KBTBD12: variants seen among roughly 807,000 people sequenced by gnomAD.
The protein encoded by KBTBD12 is kelch repeat and BTB domain-containing protein 12.
Under a neutral mutation model 58.7 loss-of-function variants are expected in KBTBD12, and 53 were observed. The observed-to-expected ratio is 0.90, with a 90% CI of 0.72 to 1.14. The LOEUF (loss-of-function observed/expected upper bound fraction) is 1.14. KBTBD12 is among the 50% of genes most tolerant of loss of function. KBTBD12 has a pLI of 0.00. For missense variants in KBTBD12, 704 were observed against 751.3 expected, an observed-to-expected ratio of 0.94 and a Z score of 0.74; for synonymous variants, 236 against 259.8, an observed-to-expected ratio of 0.91 and a Z score of 0.88.
chr3:127,962,043 T>A (rs1052316822), intron 4 of KBTBD12, among the ~76,000 whole-genome samples: 1 of 152,236 alleles, frequency 6.6e-6, no homozygotes, highest in African/African-American at 2.4e-5. Flanking sequence ...GCACAGTGAC[T>A]CTTCCAGGAC....
chr3:127,951,390 A>G (rs1404568107), intron 4 of KBTBD12, among the ~76,000 whole-genome samples: 1 of 152,138 alleles, frequency 6.6e-6, no homozygotes, highest in Non-Finnish European at 1.5e-5. Flanking sequence ...GCTGTTCCTC[A>G]GAAGTGTGGA....
chr3:127,933,438 T>C (rs1388005300), intron 4 of KBTBD12, among the ~76,000 whole-genome samples: 1 of 152,180 alleles, frequency 6.6e-6, no homozygotes, highest in African/African-American at 2.4e-5. Context: ...TTAGTCCTGG[T>C]TGGTACAACA....
In KBTBD12 at chr3:127,984,172, A is replaced by G. The variant is rs1473437796; in HGVS notation, c.1766A>G (p.Asn589Ser). The part of the protein sequence containing the change: ...WENQWNVVAI[N>S]VLMHDSYDVC... ...AACCAGTGGAATGTTGTAGCCATCA[A>G]CGTCCTCATGCATGACAGCTATGAT... Residue 589 changes from asparagine to serine, a missense_variant, in exon 6 of 6, where the codon AAC becomes AGC. By Grantham distance (46) the Asn-to-Ser change is conservative. Coordinates refer to ENST00000405109, the MANE Select transcript of KBTBD12 (RefSeq NM_207335.4). 1.9e-6 allele frequency: 3 copies of G among 1,613,838 alleles called. No homozygotes were observed. Among genetic ancestry groups the G allele is most frequent in the Non-Finnish European group, 2.5e-6 (3 of 1,179,738 alleles).
chr3:127,923,648 A>G lies in KBTBD12; in HGVS notation c.587A>G (p.Asp196Gly). ...ATATCCAGAGAAGAGAGCATTCTGG[A>G]CTTAGTTCTGAGATGGGTAAATCAT... Reference protein sequence around the residue: ...LNISREESILDLVLRWVNHNK... With the variant: ...LNISREESILGLVLRWVNHNK... Residue 196 changes from aspartate to glycine, a missense_variant, in exon 2 of 6, where the codon GAC becomes GGC. Asp to Gly is a moderately conservative substitution (Grantham distance 94). Transcript: ENST00000405109. The G allele has an allele frequency of 6.2e-7, 1 of 1,613,772 alleles. No homozygotes were observed. The highest frequency in any genetic ancestry group is 8.5e-7 in the Non-Finnish European group (1 of 1,179,780).
Position 127,945,164 on chromosome 3 carries a change from C to CTTTTTTTTT in KBTBD12, c.1492+14911_1492+14919dup, listed in dbSNP as rs56216317. Among the ~76,000 whole-genome samples, 74 of 28,770 alleles carry CTTTTTTTTT rather than the reference C, an allele frequency of 2.6e-3. 23 individuals carry two copies. The highest frequency in any genetic ancestry group is 7.1e-3 in the East Asian group (7 of 980). 18.9% of individuals were successfully genotyped at this position (28,770 alleles called of 152,430 possible). A position where few individuals can be genotyped will look rare whatever the true frequency, so the allele number is the denominator to read the frequency against. Reference sequence around the variant, plus strand: ...TGTTTTTTTTAAAAATAGTAGCTATCTTTTTTTTTTTTTTTTTTTTTTTTT... The same window carrying CTTTTTTTTT: ...TGTTTTTTTTAAAAATAGTAGCTATCTTTTTTTTTTTTTTTTTTTTTTTTTTTTTTTTTT... On this transcript the variant is annotated intron_variant, in intron 4 of 5. Transcript: ENST00000405109.
intron 5 of KBTBD12, among the ~76,000 whole-genome samples, chr3:127,964,536 G>A (rs542660934): frequency 2.0e-5 from 3 of 151,584 alleles, no homozygotes; most frequent in African/African-American, 7.2e-5. Flanking sequence ...CAGCTACTCG[G>A]GAGGCTGAGG....
At chr3:127,925,489 C>T (rs1939549142) in intron 2 of KBTBD12, among the ~76,000 whole-genome samples, 1 of 152,124 alleles carries the variant, frequency 6.6e-6, no homozygotes, top group South Asian at 2.1e-4. Flanking sequence ...TACAATTCTG[C>T]CATCACATCT....
At chr3:127,932,283 T>C (rs917089423) in intron 4 of KBTBD12, among the ~76,000 whole-genome samples, 2 of 152,154 alleles carry the variant, frequency 1.3e-5, no homozygotes, top group Admixed American at 6.6e-5. Context: ...AACTTTGAAA[T>C]AGAATGTAGT....
At chr3:127,935,508 C>G (rs1939809486) in intron 4 of KBTBD12, among the ~76,000 whole-genome samples, 1 of 152,016 alleles carries the variant, frequency 6.6e-6, no homozygotes, top group Non-Finnish European at 1.5e-5. Context: ...CACCTGTAAT[C>G]CCAGCTACTT....
intron 2 of KBTBD12, among the ~76,000 whole-genome samples, chr3:127,927,320 A>T (rs970835433): frequency 6.6e-6 from 1 of 152,156 alleles, no homozygotes; most frequent in Admixed American, 6.5e-5. Context: ...ATGTTTTTAG[A>T]TTCTCTGCCC....
intron 4 of KBTBD12, among the ~76,000 whole-genome samples, chr3:127,962,261 T>A (rs1453021080): frequency 6.6e-6 from 1 of 152,342 alleles, no homozygotes; most frequent in East Asian, 1.9e-4. Flanking sequence ...CTGACCTTGA[T>A]GACCTTCCAG....
intron 4 of KBTBD12, among the ~76,000 whole-genome samples, chr3:127,952,966 T>C (rs967473532): frequency 6.6e-6 from 1 of 152,240 alleles, no homozygotes; most frequent in Non-Finnish European, 1.5e-5. Context: ...TGCAGACCAA[T>C]CTTATCTCTG....
chr3:127,983,065 C>T (rs1940900519), intron 5 of KBTBD12, among the ~76,000 whole-genome samples: 1 of 152,210 alleles, frequency 6.6e-6, no homozygotes, highest in Admixed American at 6.5e-5. Context: ...CAGTTTCAAC[C>T]CTTGTTCACA....
At chr3:127,973,371 A>T (rs1197573950) in intron 5 of KBTBD12, among the ~76,000 whole-genome samples, 1 of 152,214 alleles carries the variant, frequency 6.6e-6, no homozygotes, top group African/African-American at 2.4e-5. Context: ...ATGAAAGGAG[A>T]CCAGAGAGAC....
chr3:127,919,972 T>G (rs1939358289), intron 1 of KBTBD12, among the ~76,000 whole-genome samples: 1 of 152,328 alleles, frequency 6.6e-6, no homozygotes, highest in African/African-American at 2.4e-5. Flanking sequence ...ACCAAACAGC[T>G]GGAGAAATTA....
intron 4 of KBTBD12, among the ~76,000 whole-genome samples, chr3:127,949,741 G>T (rs909137314): frequency 6.6e-6 from 1 of 152,172 alleles, no homozygotes; most frequent in African/African-American, 2.4e-5. Context: ...AGCTGAAGTA[G>T]CTAGGTCTTG....
At chr3:127,963,119 AG>A (rs1404878742) in intron 4 of KBTBD12, 69 bp from the exon 5 acceptor site, 37 of 1,303,496 alleles carry the variant, frequency 2.8e-5, no homozygotes, top group Non-Finnish European at 3.8e-5. Flanking sequence ...CAAACCATGC[AG>A]GGGGCAGTGC....
At chr3:127,972,679 G>T (rs1940706680) in intron 5 of KBTBD12, among the ~76,000 whole-genome samples, 1 of 152,186 alleles carries the variant, frequency 6.6e-6, no homozygotes, top group African/African-American at 2.4e-5. Context: ...GTAAGGTTCA[G>T]ATATCCTGTT....
At chr3:127,933,802 A>T (rs1032482984) in intron 4 of KBTBD12, among the ~76,000 whole-genome samples, 3 of 152,172 alleles carry the variant, frequency 2.0e-5, no homozygotes, top group African/African-American at 7.2e-5. Flanking sequence ...AGGGTAACTC[A>T]TAGGCTAAAA....
Sources: gnomAD v4.1 joint callset for allele counts (sites outside exome capture counted in the v4.1 genomes callset) on GRCh38, gnomAD v4.1.1 for gene constraint, MANE v1.5 for transcripts, NCBI Gene and HGNC (gene_info 2026-07-23, HGNC 2026-07-21) for gene names.